The following B3GALT1 variants were observed in gnomAD, a reference collection of about 807,000 sequenced individuals.
The protein encoded by B3GALT1 is beta-1,3-galactosyltransferase 1, also known as UDP-Gal:betaGlcNAc beta 1,3-galactosyltransferase, polypeptide 1.
B3GALT1 carries 10 observed loss-of-function variants against 23.2 expected under a neutral mutation model. The observed-to-expected ratio is 0.43, with a 90% CI of 0.27 to 0.73. B3GALT1 has a LOEUF of 0.73. Among genes scored for constraint, B3GALT1 ranks in the 30% least tolerant of loss-of-function variants. The pLI, the probability that B3GALT1 is intolerant of heterozygous loss-of-function variation, is 0.21. For missense variants in B3GALT1, 299 were observed against 405.4 expected, an observed-to-expected ratio of 0.74 and a Z score of 2.25; for synonymous variants, 156 against 141.5, an observed-to-expected ratio of 1.10 and a Z score of -0.73.
chr2:167,439,820 T>C (rs934357492), intron 1 of B3GALT1, among the ~76,000 whole-genome samples: 5 of 149,782 alleles, frequency 3.3e-5, no homozygotes, highest in Non-Finnish European at 4.4e-5. Context: ...TTTCAGATTT[T>C]GTAGTATTTT....
chr2:167,714,944 T>G, intron 3 of B3GALT1: 1 of 1,611,652 alleles, frequency 6.2e-7, no homozygotes, highest in Non-Finnish European at 8.5e-7. Context: ...CTTCTGATTC[T>G]CACTTTCAAA....
chr2:167,778,042 C>T (rs1226817384), intron 3 of B3GALT1, among the ~76,000 whole-genome samples: 1 of 151,998 alleles, frequency 6.6e-6, no homozygotes, highest in East Asian at 1.9e-4. Flanking sequence ...TAGTTCTAAG[C>T]TTGAAAAACA....
chr2:167,543,161 A>G (rs1192069756), intron 2 of B3GALT1, among the ~76,000 whole-genome samples: 1 of 152,182 alleles, frequency 6.6e-6, no homozygotes, highest in South Asian at 2.1e-4. Flanking sequence ...CTCTAGAACT[A>G]TGGGATTTAT....
At chr2:167,692,246 G>T (rs955178929) in intron 3 of B3GALT1, among the ~76,000 whole-genome samples, 12 of 152,156 alleles carry the variant, frequency 7.9e-5, no homozygotes, top group African/African-American at 2.9e-4. Context: ...CAAAATTAAG[G>T]CAGCAGACTC....
At chr2:167,821,183 G>A (rs1689098194) in intron 4 of B3GALT1, among the ~76,000 whole-genome samples, 2 of 152,144 alleles carry the variant, frequency 1.3e-5, no homozygotes, top group African/African-American at 2.4e-5. Context: ...ATGTAATACT[G>A]TGCAGTTTTT....
At chr2:167,602,349 T>A (rs547094929) in intron 2 of B3GALT1, among the ~76,000 whole-genome samples, 1 of 152,080 alleles carries the variant, frequency 6.6e-6, no homozygotes, top group Non-Finnish European at 1.5e-5. Flanking sequence ...TGCCACACAA[T>A]TGAACAGTTC....
intron 4 of B3GALT1, among the ~76,000 whole-genome samples, chr2:167,863,990 A>ATGTGTGTGTGTGTGTGTGTG (rs34276280): frequency 1.4e-5 from 2 of 143,620 alleles, no homozygotes; most frequent in East Asian, 2.0e-4. Context: ...GCATGTATGT[A>ATGTGTGTGTGTGTGTGTGTG]TGTGTGTGTG....
At chr2:167,394,512 T>G (rs916438465) in intron 1 of B3GALT1, among the ~76,000 whole-genome samples, 6 of 152,158 alleles carry the variant, frequency 3.9e-5, no homozygotes, top group African/African-American at 1.4e-4. Flanking sequence ...TGCTACAGCT[T>G]TGATGCAACC....
chr2:167,387,594 A>T (rs1193925445), intron 1 of B3GALT1, among the ~76,000 whole-genome samples: 1 of 152,224 alleles, frequency 6.6e-6, no homozygotes, highest in Admixed American at 6.5e-5. Context: ...CTTGCTGTAA[A>T]AACTTCGAAA....
intron 3 of B3GALT1, among the ~76,000 whole-genome samples, chr2:167,744,219 A>C (rs1687617953): frequency 1.3e-5 from 2 of 152,184 alleles, no homozygotes; most frequent in African/African-American, 2.4e-5. Flanking sequence ...TGCAGGAGTC[A>C]ATAAATCAAG....
intron 2 of B3GALT1, among the ~76,000 whole-genome samples, chr2:167,541,954 C>T (rs1683539763): frequency 6.6e-6 from 1 of 152,044 alleles, no homozygotes; most frequent in African/African-American, 2.4e-5. Flanking sequence ...AAAGGAGCTA[C>T]TTGTGCTCCA....
In B3GALT1 at chr2:167,869,739, C is replaced by T. The variant is rs1326569414; in HGVS notation, c.700C>T (p.Pro234Ser). Reference sequence around the variant, plus strand: ...TTTGTACCCAGACAGTAACTACCCACCTTTCTGTTCGGGGACTGGCTACAT... The same window carrying T: ...TTTGTACCCAGACAGTAACTACCCATCTTTCTGTTCGGGGACTGGCTACAT... ...RDLYPDSNYP[P>S]FCSGTGYIFS... The change falls in exon 5 of 5, where the codon CCT (proline) becomes TCT (serine). Residue 234 changes from proline to serine, a missense_variant. Pro to Ser is a moderately conservative substitution (Grantham distance 74). This residue lies in a region of B3GALT1 where 133 missense variants were observed against 204.8 expected (regional missense o/e 0.65). Coordinates refer to ENST00000392690, the MANE Select transcript of B3GALT1 (RefSeq NM_020981.4). The surrounding 1 kb of genome is among the most constrained non-coding windows in gnomAD (Gnocchi z 6.4). 1 of 1,614,218 alleles carries T rather than the reference C, an allele frequency of 6.2e-7. No homozygotes were observed. Among genetic ancestry groups the T allele is most frequent in the Non-Finnish European group, 8.5e-7 (1 of 1,180,038 alleles).
chr2:167,564,941 T>C (rs1373041042), intron 2 of B3GALT1, among the ~76,000 whole-genome samples: 1 of 152,146 alleles, frequency 6.6e-6, no homozygotes, highest in Non-Finnish European at 1.5e-5. Flanking sequence ...CCAAGGTAAT[T>C]TGTAGATTCC....
intron 1 of B3GALT1, among the ~76,000 whole-genome samples, chr2:167,459,776 C>T (rs1699228370): frequency 6.6e-6 from 1 of 152,174 alleles, no homozygotes; most frequent in Non-Finnish European, 1.5e-5. Context: ...ACGTTTCTTG[C>T]AGAGCAGGTG....
At chr2:167,374,356 T>C (rs1697731704) in intron 1 of B3GALT1, among the ~76,000 whole-genome samples, 1 of 152,210 alleles carries the variant, frequency 6.6e-6, no homozygotes. Context: ...TAGAATGATT[T>C]GTTTTCTTTT....
At chr2:167,856,490 G>A (rs1690002601) in intron 4 of B3GALT1, among the ~76,000 whole-genome samples, 1 of 152,092 alleles carries the variant, frequency 6.6e-6, no homozygotes, top group Non-Finnish European at 1.5e-5. Flanking sequence ...GCACTGGTTT[G>A]GAGGCTGCAA....
At chr2:167,715,177 G>A (rs1687123510) in intron 3 of B3GALT1, 4 of 1,613,864 alleles carry the variant, frequency 2.5e-6, no homozygotes, top group Non-Finnish European at 2.5e-6. Context: ...CCGATTGACT[G>A]TTCACTTCTA....
At chr2:167,698,255 A>G (rs1299806610) in intron 3 of B3GALT1, among the ~76,000 whole-genome samples, 1 of 152,182 alleles carries the variant, frequency 6.6e-6, no homozygotes. Flanking sequence ...TGTGGTTGGA[A>G]TTTTATTTAT....
chr2:167,395,300 G>A (rs1239449187), intron 1 of B3GALT1, among the ~76,000 whole-genome samples: 1 of 152,106 alleles, frequency 6.6e-6, no homozygotes, highest in African/African-American at 2.4e-5. Context: ...AACTTGAGAT[G>A]TAGAGATTAC....
Sources: allele counts gnomAD v4.1 joint callset (sites outside exome capture counted in the v4.1 genomes callset), GRCh38; gene constraint gnomAD v4.1.1; regional missense constraint gnomAD v4.1.1; non-coding constraint Gnocchi (gnomAD v3.1); transcripts MANE v1.5; gene names NCBI Gene and HGNC (gene_info 2026-07-23, HGNC 2026-07-21).